SLC14A2: variants seen among roughly 807,000 people sequenced by gnomAD.
The protein encoded by SLC14A2 is urea transporter 2.
Under a neutral mutation model 104.6 loss-of-function variants are expected in SLC14A2, and 91 were observed. The ratio of observed to expected loss-of-function variants is 0.87; its 90% CI spans 0.73 to 1.04. The LOEUF (loss-of-function observed/expected upper bound fraction) is 1.04. Ranked by LOEUF, SLC14A2 falls within the 50% of genes least tolerant of loss-of-function variation. The pLI, the probability that SLC14A2 is intolerant of heterozygous loss-of-function variation, is 0.00. For synonymous variants in SLC14A2, 476 were observed against 466.4 expected (o/e 1.02, Z -0.27); for missense variants, 1,189 against 1,156.0 (o/e 1.03, Z -0.41).
At chr18:45,377,402 C>T (rs1423339954) in intron 1 of SLC14A2, among the ~76,000 whole-genome samples, 2 of 152,106 alleles carry the variant, frequency 1.3e-5, no homozygotes, top group Non-Finnish European at 2.9e-5. Context: ...ATCCCCAGTA[C>T]TAATCCCAAC....
At chr18:45,469,138 A>G (rs531961898) in intron 1 of SLC14A2, among the ~76,000 whole-genome samples, 1 of 152,324 alleles carries the variant, frequency 6.6e-6, no homozygotes, top group South Asian at 2.1e-4. Context: ...TGATTATGGT[A>G]CAGGTCAGGA....
At chr18:45,602,690 G>T (rs915815030) in intron 2 of SLC14A2, among the ~76,000 whole-genome samples, 1 of 152,142 alleles carries the variant, frequency 6.6e-6, no homozygotes, top group African/African-American at 2.4e-5. Flanking sequence ...TTTCACTCAG[G>T]CTCTTTCAAA....
the SLC14A2 span, among the ~76,000 whole-genome samples, chr18:45,190,618 A>G: frequency 3.3e-5 from 5 of 152,198 alleles, no homozygotes; most frequent in African/African-American, 9.6e-5. Context: ...CTGGTTTGTA[A>G]TAGAGATGGG....
intron 2 of SLC14A2, among the ~76,000 whole-genome samples, chr18:45,504,433 G>T (rs1261675244): frequency 6.6e-6 from 1 of 152,168 alleles, no homozygotes; most frequent in Non-Finnish European, 1.5e-5. Flanking sequence ...TATGGTAAGG[G>T]ATGGGACCCT....
chr18:45,473,172 A>C (rs1338381623), intron 1 of SLC14A2, among the ~76,000 whole-genome samples: 2 of 152,332 alleles, frequency 1.3e-5, no homozygotes, highest in East Asian at 3.8e-4. Flanking sequence ...GGTTTGTCAA[A>C]GATCAGATGG....
rs577690439 is a variant in SLC14A2, at chr18:45,346,243, CCTCCCAGGTTCAAGCAATT to C, written c.-125+133059_-125+133077del. ...CAATCTCAGCTCACTGCAACCTCTGCCTCCCAGGTTCAAGCAATTCTCCCACCTCAGCCTCCTGAATAGC... is the reference window on the plus strand; with the variant it reads ...CAATCTCAGCTCACTGCAACCTCTGCCTCCCACCTCAGCCTCCTGAATAGC... On this transcript the variant is annotated intron_variant, in intron 1 of 20. Transcript: ENST00000586448. 2.5e-4 allele frequency among the ~76,000 whole-genome samples: 38 copies of C among 152,310 alleles called. No homozygotes were observed. The South Asian group carries it at 5.8e-3, about 23-fold the overall frequency.
intron 8 of SLC14A2, 44 bp downstream of exon 8, chr18:45,641,387 C>T (rs2045526019): frequency 1.9e-6 from 3 of 1,608,648 alleles, no homozygotes; most frequent in Non-Finnish European, 2.6e-6. Flanking sequence ...TCTGGCTATT[C>T]CTTCCCCCCT....
At chr18:45,202,084 A>G in the SLC14A2 span, among the ~76,000 whole-genome samples, 1 of 152,200 alleles carries the variant, frequency 6.6e-6, no homozygotes, top group Non-Finnish European at 1.5e-5. Flanking sequence ...ACTAAGGGCA[A>G]TACTTCAGCA....
intron 2 of SLC14A2, among the ~76,000 whole-genome samples, chr18:45,526,716 G>A (rs558613892): frequency 5.9e-5 from 9 of 152,168 alleles, no homozygotes; most frequent in South Asian, 2.1e-4. Flanking sequence ...CAGAAAGTTC[G>A]TGGGGAAGAG....
intron 1 of SLC14A2, among the ~76,000 whole-genome samples, chr18:45,265,961 A>G (rs930183749): frequency 6.6e-6 from 1 of 152,216 alleles, no homozygotes; most frequent in Non-Finnish European, 1.5e-5. Context: ...AGAGACAAAC[A>G]GTAGTTAATT....
the SLC14A2 span, among the ~76,000 whole-genome samples, chr18:45,201,090 C>T: frequency 6.6e-6 from 1 of 151,932 alleles, no homozygotes; most frequent in Non-Finnish European, 1.5e-5. Context: ...AAATTTGTCT[C>T]ATGTTTTAAT....
intron 1 of SLC14A2, among the ~76,000 whole-genome samples, chr18:45,462,241 T>C (rs920965764): frequency 1.3e-5 from 2 of 152,202 alleles, no homozygotes; most frequent in African/African-American, 4.8e-5. Flanking sequence ...GGGAATTTCC[T>C]CTTCAACTGT....
chr18:45,506,999 CT>C (rs751636074), intron 2 of SLC14A2, among the ~76,000 whole-genome samples: 179 of 152,230 alleles, frequency 1.2e-3, no homozygotes, highest in Non-Finnish European at 2.1e-3. Context: ...GAGGAGGTCA[CT>C]TGAGCTCCCT....
intron 1 of SLC14A2, among the ~76,000 whole-genome samples, chr18:45,237,252 A>C (rs1195116687): frequency 1.3e-5 from 2 of 152,226 alleles, no homozygotes; most frequent in East Asian, 1.9e-4. Context: ...CCCATTTGAC[A>C]GAAGTTCTTG....
intron 2 of SLC14A2, among the ~76,000 whole-genome samples, chr18:45,605,780 C>G (rs1330531261): frequency 1.3e-5 from 2 of 152,092 alleles, no homozygotes; most frequent in Non-Finnish European, 2.9e-5. Context: ...ACACCTGGTC[C>G]CTCCATTTTA....
intron 1 of SLC14A2, among the ~76,000 whole-genome samples, chr18:45,433,481 G>A (rs2086549425): frequency 1.3e-5 from 2 of 152,264 alleles, no homozygotes; most frequent in Admixed American, 1.3e-4. Flanking sequence ...AGATGGACAT[G>A]CTTTCTTTAT....
At chr18:45,628,110 CA>C (rs2045289974) in intron 4 of SLC14A2, among the ~76,000 whole-genome samples, 1 of 151,998 alleles carries the variant, frequency 6.6e-6, no homozygotes, top group African/African-American at 2.4e-5. Context: ...CAGTGGCTCC[CA>C]AACTTTCCTG....
chr18:45,192,350 T>G, the SLC14A2 span, among the ~76,000 whole-genome samples: 1 of 152,254 alleles, frequency 6.6e-6, no homozygotes, highest in Non-Finnish European at 1.5e-5. Flanking sequence ...TTACCACTTC[T>G]TGGCTATTAC....
intron 1 of SLC14A2, among the ~76,000 whole-genome samples, chr18:45,367,992 T>C (rs2085683682): frequency 6.6e-6 from 1 of 152,098 alleles, no homozygotes; most frequent in Non-Finnish European, 1.5e-5. Context: ...AACAGGAACA[T>C]CTGGGTGGCT....
Sources: gnomAD v4.1 joint callset for allele counts (sites outside exome capture counted in the v4.1 genomes callset) on GRCh38, gnomAD v4.1.1 for gene constraint, MANE v1.5 for transcripts, NCBI Gene and HGNC (gene_info 2026-07-23, HGNC 2026-07-21) for gene names.